STXBP4: variants seen among roughly 807,000 people sequenced by gnomAD.
STXBP4 encodes syntaxin-binding protein 4.
STXBP4 carries 55 observed loss-of-function variants against 76.1 expected under a neutral mutation model. The observed-to-expected ratio is 0.72, with a 90% CI of 0.58 to 0.91. The LOEUF is 0.91. Ranked by LOEUF, STXBP4 falls within the 40% of genes least tolerant of loss-of-function variation. STXBP4 has a pLI of 0.00. For missense variants in STXBP4, 618 were observed against 636.9 expected (o/e 0.97, Z 0.32); for synonymous variants, 201 against 220.2 (o/e 0.91, Z 0.77).
At chr17:54,969,363 G>A (rs1411211241) in intron 1 of STXBP4, among the ~76,000 whole-genome samples, 2 of 152,170 alleles carry the variant, frequency 1.3e-5, no homozygotes, top group African/African-American at 4.8e-5. Flanking sequence ...ACTCGAGGGG[G>A]GCAGACAGCA....
the STXBP4 span, among the ~76,000 whole-genome samples, chr17:55,197,497 A>T: frequency 2.0e-4 from 30 of 152,296 alleles, no homozygotes; most frequent in East Asian, 4.2e-3. Context: ...TAATCCCAGC[A>T]CTTTGGGAGG....
chr17:54,997,501 T>C (rs1276015070), intron 4 of STXBP4, among the ~76,000 whole-genome samples: 1 of 147,066 alleles, frequency 6.8e-6, no homozygotes, highest in Non-Finnish European at 1.5e-5. Context: ...CATATTTACA[T>C]AAAATCAAAA....
chr17:55,150,057 G>A (rs1308332440), intron 17 of STXBP4, among the ~76,000 whole-genome samples: 1 of 152,032 alleles, frequency 6.6e-6, no homozygotes, highest in Admixed American at 6.6e-5. Context: ...CCTTTCTGAG[G>A]GTTAATACTT....
intron 16 of STXBP4, among the ~76,000 whole-genome samples, chr17:55,132,536 TC>T (rs1407836103): frequency 6.6e-6 from 1 of 152,184 alleles, no homozygotes; most frequent in Non-Finnish European, 1.5e-5. Context: ...TAAAGAACTC[TC>T]CTCCCAAATT....
chr17:55,011,459 T>C (rs1014735747), intron 8 of STXBP4, among the ~76,000 whole-genome samples: 1 of 150,908 alleles, frequency 6.6e-6, no homozygotes, highest in African/African-American at 2.4e-5. Context: ...TTTTCAAAAA[T>C]TTTCAGTTAA....
intron 17 of STXBP4, among the ~76,000 whole-genome samples, chr17:55,158,922 T>G (rs1480902884): frequency 1.3e-5 from 2 of 152,228 alleles, no homozygotes; most frequent in East Asian, 3.9e-4. Flanking sequence ...AAGAGTTAAC[T>G]TCTCATGGGA....
intron 17 of STXBP4, among the ~76,000 whole-genome samples, chr17:55,156,658 G>A (rs901447960): frequency 3.9e-5 from 6 of 152,234 alleles, no homozygotes; most frequent in African/African-American, 4.8e-5. Context: ...CACAGAACAC[G>A]TCTCTCTGTT....
At chr17:55,198,013 G>T in the STXBP4 span, among the ~76,000 whole-genome samples, 1 of 152,186 alleles carries the variant, frequency 6.6e-6, no homozygotes, top group African/African-American at 2.4e-5. Flanking sequence ...CATTCCACAG[G>T]GTGGGAGCAG....
At chr17:55,078,792 G>T in intron 15 of STXBP4, 57 bp downstream of exon 15, 1 of 966,334 alleles carries the variant, frequency 1.0e-6, no homozygotes, top group Non-Finnish European at 1.7e-6. Flanking sequence ...TTCTTCATCT[G>T]GTCATTGTGA....
chr17:55,149,090 C>G (rs958243209), intron 17 of STXBP4, among the ~76,000 whole-genome samples: 1 of 152,142 alleles, frequency 6.6e-6, no homozygotes, highest in African/African-American at 2.4e-5. Flanking sequence ...AATGAAGAAA[C>G]CAACAGAGGA....
At chr17:55,101,832 T>G (rs1327949833) in intron 16 of STXBP4, among the ~76,000 whole-genome samples, 4 of 152,222 alleles carry the variant, frequency 2.6e-5, no homozygotes, top group Non-Finnish European at 5.9e-5. Context: ...TACAGAGTTG[T>G]ATATAGTTTT....
At chr17:55,111,807 A>G (rs2079721558) in intron 16 of STXBP4, among the ~76,000 whole-genome samples, 1 of 152,206 alleles carries the variant, frequency 6.6e-6, no homozygotes, top group Non-Finnish European at 1.5e-5. Context: ...CTTTATAGCA[A>G]CACAAGAATA....
chr17:55,052,375 A>T (rs371213587), intron 12 of STXBP4, among the ~76,000 whole-genome samples: 1 of 152,194 alleles, frequency 6.6e-6, no homozygotes, highest in African/African-American at 2.4e-5. Flanking sequence ...ATTGCAGACT[A>T]TAGAAGAAAT....
intron 12 of STXBP4, 62 bp downstream of exon 12, chr17:55,047,216 G>GTT (rs2078802791): frequency 1.2e-6 from 1 of 867,474 alleles, no homozygotes; most frequent in Non-Finnish European, 1.8e-6. Flanking sequence ...GTGTGTGTGT[G>GTT]TGAACATATG....
At chr17:55,089,770 T>C (rs915154766) in intron 16 of STXBP4, among the ~76,000 whole-genome samples, 3 of 152,140 alleles carry the variant, frequency 2.0e-5, no homozygotes, top group Non-Finnish European at 4.4e-5. Flanking sequence ...AAATGCATAA[T>C]AAGAAAAAAT....
At chr17:55,196,859 G>T in the STXBP4 span, among the ~76,000 whole-genome samples, 1 of 152,182 alleles carries the variant, frequency 6.6e-6, no homozygotes, top group South Asian at 2.1e-4. Context: ...AAACCAGTTG[G>T]ATCTGCAGAA....
chr17:54,995,826 T>G (rs1182722053), intron 4 of STXBP4, among the ~76,000 whole-genome samples: 2 of 152,186 alleles, frequency 1.3e-5, no homozygotes, highest in African/African-American at 4.8e-5. Flanking sequence ...CCATTATTAT[T>G]TTTGTCATAG....
rs375752517 is a variant in STXBP4, at chr17:55,043,158, G to A, written c.856-78G>A. 318 of 659,330 alleles carry A rather than the reference G, an allele frequency of 4.8e-4. 2 individuals are homozygous for A. In the African/African-American group the frequency reaches 5.4e-3, roughly 11 times the overall value. The allele number at this position is 659,330 out of a possible 1,614,324, so 40.8% of individuals were successfully genotyped here. On this transcript the variant is annotated intron_variant, in intron 10 of 17. Coordinates refer to ENST00000376352, the MANE Select transcript of STXBP4 (RefSeq NM_178509.6). Reference sequence around the variant, plus strand: ...ATTAGAATACAGAAGCCTAAGATTAGTCAAAAATGATTTTTATGTTACCTC... The same window carrying A: ...ATTAGAATACAGAAGCCTAAGATTAATCAAAAATGATTTTTATGTTACCTC...
At chr17:55,021,638 G>A (rs1006798607) in intron 8 of STXBP4, among the ~76,000 whole-genome samples, 5 of 151,910 alleles carry the variant, frequency 3.3e-5, no homozygotes, top group African/African-American at 4.8e-5. Flanking sequence ...CTCCTAAGCC[G>A]ACCCAAGCAT....
Sources: gnomAD v4.1 joint callset for allele counts (sites outside exome capture counted in the v4.1 genomes callset) on GRCh38, gnomAD v4.1.1 for gene constraint, MANE v1.5 for transcripts, NCBI Gene and HGNC (gene_info 2026-07-23, HGNC 2026-07-21) for gene names.